MED24: variants seen among roughly 807,000 people sequenced by gnomAD.
MED24 encodes the protein mediator complex subunit 24, also known as mediator of RNA polymerase II transcription subunit 24.
Under a neutral mutation model 118.8 loss-of-function variants are expected in MED24, and 74 were observed. The ratio of observed to expected loss-of-function variants is 0.62; its 90% CI spans 0.52 to 0.76. MED24 has a LOEUF of 0.76. MED24 is among the 30% of genes least tolerant of loss of function. The pLI is 0.00. For missense variants in MED24, 1,041 were observed against 1,278.9 expected, an observed-to-expected ratio of 0.81 and a Z score of 2.84; for synonymous variants, 521 against 523.9, an observed-to-expected ratio of 0.99 and a Z score of 0.08.
rs1451794981 is a variant in MED24 at position 40,019,201 on chromosome 17, C to T, written c.*328G>A. ...ACACACACACACACACACACACACA[C>T]ACATACACACTTTGCATCTAGAAAG... On this transcript the variant is annotated 3_prime_UTR_variant, in exon 26 of 26. Transcript: ENST00000394128. 6 of 308,746 alleles carry T rather than the reference C, an allele frequency of 1.9e-5. No individual in the cohort carries two copies. Among genetic ancestry groups the T allele is most frequent in the Admixed American group, 4.7e-5 (1 of 21,352 alleles). 19.1% of individuals were successfully genotyped at this position (308,746 alleles called of 1,614,324 possible).
At chr17:40,025,766 C>G (rs1982567991) in intron 19 of MED24, among the ~76,000 whole-genome samples, 1 of 152,160 alleles carries the variant, frequency 6.6e-6, no homozygotes, top group Non-Finnish European at 1.5e-5. Flanking sequence ...CTCCAAGCCC[C>G]TGAAGAGCCA....
intron 3 of MED24, among the ~76,000 whole-genome samples, chr17:40,038,006 C>T (rs1984144425): frequency 6.6e-6 from 1 of 152,014 alleles, no homozygotes; most frequent in Admixed American, 6.5e-5. Flanking sequence ...GAGAACTTTA[C>T]CACAGAACTT....
intron 3 of MED24, among the ~76,000 whole-genome samples, chr17:40,040,085 TTTTC>T (rs201915151): frequency 0.023 from 3,236 of 139,566 alleles, 132 homozygotes; most frequent in African/African-American, 0.081. Context: ...GCCAGGCTAA[TTTTC>T]TTTTTTTGAG....
At chr17:40,046,526 A>C (rs1484665870) in intron 3 of MED24, among the ~76,000 whole-genome samples, 1 of 141,202 alleles carries the variant, frequency 7.1e-6, no homozygotes, top group African/African-American at 2.6e-5. Context: ...CGGGCGGATC[A>C]TGAGGTCAGG....
chr17:40,047,274 A>T lies in MED24; in HGVS notation c.213+6024T>A, dbSNP rs151236288. Reference sequence around the variant, plus strand: ...AGGCAATTGTGGGAGAGGGGAGTGGACTAGAAAGCGGTAAAAGGGAACTTT... The same window carrying T: ...AGGCAATTGTGGGAGAGGGGAGTGGTCTAGAAAGCGGTAAAAGGGAACTTT... On this transcript the variant is annotated intron_variant, in intron 3 of 25. Transcript: ENST00000394128. Among the ~76,000 whole-genome samples the T allele has an allele frequency of 3.9e-3, 598 of 152,340 alleles. 5 individuals carry two copies. The highest frequency in any genetic ancestry group is 0.013 in the African/African-American group (527 of 41,558).
intron 6 of MED24, among the ~76,000 whole-genome samples, chr17:40,034,312 T>A (rs1322849173): frequency 6.6e-6 from 1 of 152,184 alleles, no homozygotes; most frequent in East Asian, 1.9e-4. Flanking sequence ...ATAAAGATTG[T>A]CTTTTTGGAC....
chr17:40,035,837 C>T (rs1224051917), intron 4 of MED24, 42 bp from the exon 5 acceptor site: 2 of 1,569,816 alleles, frequency 1.3e-6, no homozygotes, highest in Non-Finnish European at 8.8e-7. Context: ...TGCCTCCATC[C>T]ACCCCCAGGT....
At chr17:40,043,414 A>T (rs1444020730) in intron 3 of MED24, among the ~76,000 whole-genome samples, 2 of 152,168 alleles carry the variant, frequency 1.3e-5, no homozygotes, top group Non-Finnish European at 2.9e-5. Flanking sequence ...AGCAGATGAC[A>T]CATAGGGTTT....
In MED24 at chr17:40,033,525, C is replaced by T. The variant is rs1289382251; in HGVS notation, c.560-69G>A. The T allele has an allele frequency of 7.2e-7, 1 of 1,379,728 alleles. No homozygotes were observed. The highest frequency in any genetic ancestry group is 1.0e-6 in the Non-Finnish European group (1 of 995,764). 85.5% of individuals were successfully genotyped at this position (1,379,728 alleles called of 1,614,324 possible). A position where few individuals can be genotyped will look rare whatever the true frequency, so the allele number is the denominator to read the frequency against. On this transcript the variant is annotated intron_variant, in intron 6 of 25. Coordinates refer to ENST00000394128, the MANE Select transcript of MED24 (RefSeq NM_014815.4). The surrounding 1 kb of genome is among the most constrained non-coding windows in gnomAD (Gnocchi z 5.2). ...GAGAAGGAGCACCTGGCCCTGAACT[C>T]CTCGATTTTGGCACTCCCTCCGGCA... is the stretch of plus-strand genomic sequence containing the variant.
At chr17:40,027,812 C>A (rs1234276630) in intron 15 of MED24, 97 bp downstream of exon 15, 2 of 1,329,858 alleles carry the variant, frequency 1.5e-6, no homozygotes, top group African/African-American at 2.9e-5. Context: ...GCACAGCCTC[C>A]CCCTGTTGAG....
intron 3 of MED24, among the ~76,000 whole-genome samples, chr17:40,045,350 G>A (rs969330866): frequency 1.3e-5 from 2 of 152,018 alleles, no homozygotes; most frequent in Non-Finnish European, 2.9e-5. Context: ...TTGGGAGGCT[G>A]AGGCAGGAGA....
intron 22 of MED24, 125 bp downstream of exon 22, chr17:40,022,269 T>G: frequency 9.2e-7 from 1 of 1,088,070 alleles, no homozygotes; most frequent in Non-Finnish European, 1.3e-6. Context: ...TGACCAATCA[T>G]GCCCAGGCAC....
Position 40,026,193 on chromosome 17 carries a change from G to A in MED24, c.1948C>T (p.Leu650=), listed in dbSNP as rs1982626422. 6.2e-7 allele frequency: 1 copy of A among 1,614,138 alleles called. No individual in the cohort carries two copies. The highest frequency in any genetic ancestry group is 1.3e-5 in the African/African-American group (1 of 74,952). The change falls in exon 19 of 26, where the codon CTG becomes TTG. Residue 650 remains leucine, a synonymous_variant. Transcript: ENST00000394128. ...LQMIRQLAGP[L]FSENTLQFYN... ...AACTGCAGGGTGTTCTCACTAAACA[G>A]TGGCCCTGCCAGCTGGCGGATCATC... is the stretch of plus-strand genomic sequence containing the variant.
chr17:40,030,101 C>T (rs1345019650), intron 12 of MED24, among the ~76,000 whole-genome samples: 4 of 152,032 alleles, frequency 2.6e-5, no homozygotes, highest in African/African-American at 9.7e-5. Context: ...GGCACGATCT[C>T]GGCTCACTGC....
At chr17:40,045,946 T>A (rs1403179416) in intron 3 of MED24, among the ~76,000 whole-genome samples, 1 of 150,568 alleles carries the variant, frequency 6.6e-6, no homozygotes, top group African/African-American at 2.5e-5. Flanking sequence ...CCCAGGTAAT[T>A]TTTTGTATTT....
At chr17:40,048,048 T>C (rs1250142533) in intron 3 of MED24, among the ~76,000 whole-genome samples, 3 of 152,266 alleles carry the variant, frequency 2.0e-5, no homozygotes, top group Non-Finnish European at 4.4e-5. Context: ...TTGTATGTTA[T>C]GCTATGTTAA....
rs760994978 is a variant in MED24 at position 40,035,113 on chromosome 17, A to G, written c.559+4T>C. ...GTGGGGCTCAGGGGAATCAAGGGAC[A>G]TACAGGCCTCCTCTAGTTTGGCGAT... On this transcript the variant is annotated splice_donor_region_variant and intron_variant, in intron 6 of 25. Coordinates refer to ENST00000394128, the MANE Select transcript of MED24 (RefSeq NM_014815.4). 2 of 1,614,076 alleles carry G rather than the reference A, an allele frequency of 1.2e-6. No homozygotes were observed. The highest frequency in any genetic ancestry group is 1.7e-6 in the Non-Finnish European group (2 of 1,179,942).
intron 3 of MED24, among the ~76,000 whole-genome samples, chr17:40,040,624 CTT>C (rs574991562): frequency 7.0e-6 from 1 of 142,132 alleles, no homozygotes; most frequent in Admixed American, 7.0e-5. Context: ...ATTTTATTTT[CTT>C]TTTTTTTTTT....
At chr17:40,031,693 G>T in intron 10 of MED24, 73 bp from the exon 11 acceptor site, 1 of 1,428,020 alleles carries the variant, frequency 7.0e-7, no homozygotes, top group Non-Finnish European at 9.8e-7. Context: ...AACCTTGTCT[G>T]CTGGAGGCAT....
Sources: allele counts gnomAD v4.1 joint callset (sites outside exome capture counted in the v4.1 genomes callset), GRCh38; gene constraint gnomAD v4.1.1; non-coding constraint Gnocchi (gnomAD v3.1); transcripts MANE v1.5; gene names NCBI Gene and HGNC (gene_info 2026-07-23, HGNC 2026-07-21).